Variants in RSRC1 observed in about 807,000 individuals in gnomAD.
RSRC1 encodes the protein serine/Arginine-related protein 53.
A neutral mutation model predicts 49.1 loss-of-function variants in RSRC1; 39 were observed. The observed-to-expected ratio is 0.79, with a 90% CI of 0.61 to 1.04. RSRC1 has a LOEUF of 1.04. RSRC1 is among the 50% of genes least tolerant of loss of function. RSRC1 has a pLI of 0.00. For missense variants in RSRC1, 388 were observed against 402.4 expected (o/e 0.96, Z 0.31); for synonymous variants, 143 against 130.8 (o/e 1.09, Z -0.63).
At chr3:158,393,515 CT>C (rs2108297260) in intron 6 of RSRC1, among the ~76,000 whole-genome samples, 1 of 151,766 alleles carries the variant, frequency 6.6e-6, no homozygotes, top group Admixed American at 6.6e-5. Context: ...ACAAAAATCC[CT>C]CCGAGACTAC....
intron 6 of RSRC1, among the ~76,000 whole-genome samples, 193 bp from the exon 7 acceptor site, chr3:158,460,742 A>C (rs1001908178): frequency 6.6e-6 from 1 of 151,914 alleles, no homozygotes; most frequent in African/African-American, 2.4e-5. Flanking sequence ...TTCAAAAATT[A>C]TAAATAAATA....
At chr3:158,525,211 C>G (rs1178233726) in intron 7 of RSRC1, among the ~76,000 whole-genome samples, 1 of 151,862 alleles carries the variant, frequency 6.6e-6, no homozygotes, top group Non-Finnish European at 1.5e-5. Flanking sequence ...GAACTCATAA[C>G]TCAATAAGAC....
intron 6 of RSRC1, among the ~76,000 whole-genome samples, chr3:158,364,748 T>C (rs1419944881): frequency 6.6e-6 from 1 of 151,586 alleles, no homozygotes; most frequent in African/African-American, 2.4e-5. Context: ...CTCTCATCTT[T>C]ACTGATGAAA....
intron 6 of RSRC1, among the ~76,000 whole-genome samples, chr3:158,402,538 A>G (rs1302638033): frequency 6.6e-6 from 1 of 151,844 alleles, no homozygotes; most frequent in East Asian, 1.9e-4. Context: ...TACTAAACCT[A>G]AAAATAAACT....
At chr3:158,301,823 A>G (rs894159729) in intron 5 of RSRC1, among the ~76,000 whole-genome samples, 10 of 152,088 alleles carry the variant, frequency 6.6e-5, no homozygotes, top group Admixed American at 5.2e-4. Context: ...GACATGTATG[A>G]TGTTAACATA....
chr3:158,526,300 T>C (rs138220860), intron 7 of RSRC1, among the ~76,000 whole-genome samples: 3 of 152,012 alleles, frequency 2.0e-5, no homozygotes, highest in Admixed American at 1.3e-4. Flanking sequence ...ATTGAAAGGC[T>C]ACAGAGCAGC....
Position 158,229,522 on chromosome 3 carries a change from T to TTG in RSRC1, c.494+26291_494+26292dup, listed in dbSNP as rs561108281. On this transcript the variant is annotated intron_variant, in intron 4 of 9. Coordinates refer to ENST00000611884, the MANE Select transcript of RSRC1 (RefSeq NM_001271838.2). ...AGAGTAACCTTTCCTTGCCTTTTAATTGTGTGTGTGTGTGTTTTTTGTTTT... is the reference window on the plus strand; with the variant it reads ...AGAGTAACCTTTCCTTGCCTTTTAATTGTGTGTGTGTGTGTGTTTTTTGTTTT... Among the ~76,000 whole-genome samples, 32 of 150,406 alleles carry TTG rather than the reference T, an allele frequency of 2.1e-4. No individual in the cohort carries two copies. The East Asian group carries it at 3.1e-3, about 15-fold the overall frequency.
intron 3 of RSRC1, among the ~76,000 whole-genome samples, chr3:158,196,477 T>C (rs1362417603): frequency 1.3e-5 from 2 of 152,186 alleles, no homozygotes; most frequent in Admixed American, 1.3e-4. Flanking sequence ...CTTTTCCTAA[T>C]TGAATACCCT....
At chr3:158,506,093 ACAAAT>A (rs1443459607) in intron 7 of RSRC1, among the ~76,000 whole-genome samples, 1 of 152,202 alleles carries the variant, frequency 6.6e-6, no homozygotes, top group Non-Finnish European at 1.5e-5. Context: ...GCAAAAATAG[ACAAAT>A]GGGATTGCAT....
intron 9 of RSRC1, 47 bp downstream of exon 9, chr3:158,543,534 G>A: frequency 6.4e-7 from 1 of 1,550,876 alleles, no homozygotes; most frequent in Non-Finnish European, 8.7e-7. Flanking sequence ...CTAATTTACT[G>A]AAATTATTTC....
At chr3:158,454,532 T>G (rs1345989065) in intron 6 of RSRC1, among the ~76,000 whole-genome samples, 3 of 152,160 alleles carry the variant, frequency 2.0e-5, no homozygotes, top group African/African-American at 7.2e-5. Context: ...ATTCTGTTCA[T>G]TTCATGTATG....
intron 4 of RSRC1, among the ~76,000 whole-genome samples, chr3:158,260,842 C>A (rs1254211203): frequency 1.3e-5 from 2 of 152,148 alleles, no homozygotes; most frequent in African/African-American, 4.8e-5. Flanking sequence ...TGCTACAGGG[C>A]AGCTCTGAGT....
chr3:158,225,780 G>T (rs1011806653), intron 4 of RSRC1: 1 of 409,558 alleles, frequency 2.4e-6, no homozygotes, highest in Non-Finnish European at 4.8e-6. Flanking sequence ...ACATTCAGTA[G>T]AACATTAATT....
intron 9 of RSRC1, chr3:158,543,836 A>G: frequency 9.7e-6 from 3 of 308,004 alleles, no homozygotes; most frequent in South Asian, 1.4e-4. Context: ...TCTGAGCTCT[A>G]CTTTGTTCAT....
chr3:158,387,837 G>A (rs1733048129), intron 6 of RSRC1, among the ~76,000 whole-genome samples: 2 of 152,116 alleles, frequency 1.3e-5, no homozygotes, highest in African/African-American at 4.8e-5. Flanking sequence ...AATGTTTTGT[G>A]AAATGAGTCT....
intron 6 of RSRC1, among the ~76,000 whole-genome samples, chr3:158,383,499 C>A (rs2108283855): frequency 6.7e-6 from 1 of 149,058 alleles, no homozygotes; most frequent in African/African-American, 2.4e-5. Flanking sequence ...TGCTGACTAA[C>A]AAGGGAAAAT....
At chr3:158,143,195 G>T (rs1321621103) in intron 3 of RSRC1, among the ~76,000 whole-genome samples, 1 of 152,106 alleles carries the variant, frequency 6.6e-6, no homozygotes, top group Non-Finnish European at 1.5e-5. Flanking sequence ...AATCCTGGTT[G>T]ATTGTTTGAA....
intron 6 of RSRC1, among the ~76,000 whole-genome samples, chr3:158,409,032 G>GAAC (rs1396342770): frequency 6.6e-6 from 1 of 151,226 alleles, no homozygotes; most frequent in African/African-American, 2.4e-5. Context: ...GATTCCGTCT[G>GAAC]AATAATAATA....
At chr3:158,344,993 C>T (rs1730463093) in intron 5 of RSRC1, among the ~76,000 whole-genome samples, 1 of 151,894 alleles carries the variant, frequency 6.6e-6, no homozygotes, top group Admixed American at 6.6e-5. Context: ...CCGAGGCTGG[C>T]GGATCGCCTG....
Sources: allele counts gnomAD v4.1 joint callset (sites outside exome capture counted in the v4.1 genomes callset), GRCh38; gene constraint gnomAD v4.1.1; transcripts MANE v1.5; gene names NCBI Gene and HGNC (gene_info 2026-07-23, HGNC 2026-07-21).